Variants in MTUS1 observed in about 807,000 individuals in gnomAD.
MTUS1 encodes microtubule-associated tumor suppressor 1.
A neutral mutation model predicts 120.8 loss-of-function variants in MTUS1; 109 were observed. That is an observed-to-expected ratio of 0.90 (90% CI 0.77 to 1.06). The LOEUF (loss-of-function observed/expected upper bound fraction) is 1.06. MTUS1 is among the 50% of genes least tolerant of loss of function. The pLI is 0.00. For missense variants in MTUS1, 2,210 were observed against 1,486.3 expected (o/e 1.49, Z -8.01); for synonymous variants, 737 against 550.5 (o/e 1.34, Z -4.74).
intron 1 of MTUS1, among the ~76,000 whole-genome samples, chr8:17,797,515 C>G (rs2052342617): frequency 1.3e-5 from 2 of 152,294 alleles, no homozygotes; most frequent in African/African-American, 4.8e-5. Flanking sequence ...TATAAAGTCT[C>G]CCTGGTCAAA....
intron 4 of MTUS1, chr8:17,722,526 A>G: frequency 1.1e-5 from 11 of 985,358 alleles, no homozygotes; most frequent in Non-Finnish European, 1.3e-5. Flanking sequence ...TGCAAGTCAC[A>G]TATCCCAGTA....
chr8:17,748,659 T>C (rs2047953630), intron 2 of MTUS1, among the ~76,000 whole-genome samples: 1 of 152,290 alleles, frequency 6.6e-6, no homozygotes, highest in East Asian at 1.9e-4. Flanking sequence ...CTCCTGCCGG[T>C]GCTCAAAGTG....
At chr8:17,765,451 C>G (rs1044425356) in intron 1 of MTUS1, among the ~76,000 whole-genome samples, 2 of 151,924 alleles carry the variant, frequency 1.3e-5, no homozygotes, top group African/African-American at 2.4e-5. Context: ...AAAACTCTTT[C>G]TCTACAAAAT....
intron 6 of MTUS1, among the ~76,000 whole-genome samples, chr8:17,704,433 C>T (rs557359861): frequency 4.6e-5 from 7 of 152,074 alleles, no homozygotes; most frequent in African/African-American, 4.8e-5. Flanking sequence ...TAATCCATCT[C>T]GAGTTGATTT....
chr8:17,733,161 A>G (rs1292330026), intron 3 of MTUS1, among the ~76,000 whole-genome samples: 1 of 152,082 alleles, frequency 6.6e-6, no homozygotes, highest in Non-Finnish European at 1.5e-5. Context: ...GACCAGCCTG[A>G]ACAACATGGT....
intron 1 of MTUS1, among the ~76,000 whole-genome samples, chr8:17,789,180 G>A (rs907371014): frequency 2.6e-5 from 4 of 152,078 alleles, no homozygotes; most frequent in Admixed American, 1.3e-4. Flanking sequence ...TTACAGGAAT[G>A]AGCCACCTCA....
intron 1 of MTUS1, among the ~76,000 whole-genome samples, chr8:17,789,021 C>T (rs1212229018): frequency 6.6e-6 from 1 of 151,322 alleles, no homozygotes; most frequent in African/African-American, 2.4e-5. Context: ...ACAGACTGTG[C>T]ATGCTTTTAG....
intron 9 of MTUS1, 44 bp from the exon 10 acceptor site, chr8:17,654,710 T>A: frequency 7.2e-7 from 1 of 1,386,504 alleles, no homozygotes. Context: ...TAAAACCAAA[T>A]GTCCTAAGTT....
At chr8:17,780,707 T>C (rs1449181698) in intron 1 of MTUS1, among the ~76,000 whole-genome samples, 2 of 152,216 alleles carry the variant, frequency 1.3e-5, no homozygotes. Context: ...GGTCAAATCA[T>C]GAGCCTCTGC....
intron 8 of MTUS1, among the ~76,000 whole-genome samples, chr8:17,657,333 C>G (rs1223432309): frequency 1.3e-5 from 2 of 151,560 alleles, no homozygotes; most frequent in African/African-American, 4.8e-5. Context: ...CTTTGGGAGG[C>G]CGAGGCGGGC....
At position 17,753,846 on chromosome 8, in the gene MTUS1, G is replaced by C. The variant is rs144931436; in HGVS notation, c.1962C>G (p.Thr654=). 25 of 1,614,034 alleles carry C rather than the reference G, an allele frequency of 1.5e-5. No homozygotes were observed. The African/African-American group carries it at 1.9e-4, about 12-fold the overall frequency. ...KMESAECLEM[T]YVPNIDRISP... ...TAATCCTATCAATGTTGGGAACATA[G>C]GTCATTTCCAAACATTCTGCACTTT... Residue 654 remains threonine, a synonymous_variant, in exon 2 of 15, where the codon ACC becomes ACG. Coordinates refer to ENST00000693296, the MANE Select transcript of MTUS1 (RefSeq NM_001363059.2).
intron 6 of MTUS1, among the ~76,000 whole-genome samples, chr8:17,699,384 T>A (rs565996136): frequency 6.6e-6 from 1 of 152,176 alleles, no homozygotes; most frequent in South Asian, 2.1e-4. Flanking sequence ...CTGGCTAATT[T>A]TTGTATTTTT....
At chr8:17,774,772 C>G (rs1231467267) in intron 1 of MTUS1, among the ~76,000 whole-genome samples, 1 of 152,024 alleles carries the variant, frequency 6.6e-6, no homozygotes, top group Admixed American at 6.6e-5. Flanking sequence ...TCCAAGAAAT[C>G]TGTACATCCA....
At chr8:17,749,990 T>A (rs760121105) in intron 2 of MTUS1, among the ~76,000 whole-genome samples, 1 of 152,208 alleles carries the variant, frequency 6.6e-6, no homozygotes, top group Non-Finnish European at 1.5e-5. Context: ...AGAGACTTAG[T>A]AACCTGCCAG....
In MTUS1 at chr8:17,667,248, T is replaced by G. The variant is rs74448746; in HGVS notation, c.2905+7938A>C. Among the ~76,000 whole-genome samples, 81 of 152,324 alleles carry G rather than the reference T, an allele frequency of 5.3e-4. No individual in the cohort carries two copies. The East Asian group carries it at 0.01, about 19-fold the overall frequency. On this transcript the variant is annotated intron_variant, in intron 8 of 14. Coordinates refer to ENST00000693296, the MANE Select transcript of MTUS1 (RefSeq NM_001363059.2). The stretch of plus-strand genomic sequence containing the variant: ...TCTGAGGTGGCTATCAACTCAGTCT[T>G]CAAACAAGTCAGGGAGATAAACAGC...
intron 1 of MTUS1, among the ~76,000 whole-genome samples, chr8:17,762,209 G>T (rs1226278167): frequency 6.6e-6 from 1 of 152,072 alleles, no homozygotes. Context: ...AACTCAGGAG[G>T]CGGAGGTCGC....
Position 17,755,958 on chromosome 8 carries a change from T to C in MTUS1, c.-151A>G, listed in dbSNP as rs1451302981. 1 of 1,419,348 alleles carries C rather than the reference T, an allele frequency of 7.0e-7. No homozygotes were observed. The highest frequency in any genetic ancestry group is 9.2e-7 in the Non-Finnish European group (1 of 1,092,616). 87.9% of individuals were successfully genotyped at this position (1,419,348 alleles called of 1,614,324 possible). A position where few individuals can be genotyped will look rare whatever the true frequency, so the allele number is the denominator to read the frequency against. ...GCTCTGAAGATTAAATGATTTGTTG[T>C]TCCCTGGAAGAAATAAAATGTTTAA... is the stretch of plus-strand genomic sequence containing the variant. On this transcript the variant is annotated 5_prime_UTR_variant, in exon 2 of 15. Coordinates refer to ENST00000693296, the MANE Select transcript of MTUS1 (RefSeq NM_001363059.2).
chr8:17,695,390 C>T (rs752446015), intron 6 of MTUS1, among the ~76,000 whole-genome samples: 9 of 152,154 alleles, frequency 5.9e-5, no homozygotes, highest in Non-Finnish European at 1.0e-4. Context: ...TCTGGGCAAG[C>T]GAATTCACTT....
intron 3 of MTUS1, among the ~76,000 whole-genome samples, chr8:17,738,959 T>C (rs1312364877): frequency 6.6e-6 from 1 of 150,740 alleles, no homozygotes; most frequent in African/African-American, 2.4e-5. Flanking sequence ...GGCAACAAAG[T>C]GAGACCCCCC....
Sources: gnomAD v4.1 joint callset for allele counts (sites outside exome capture counted in the v4.1 genomes callset) on GRCh38, gnomAD v4.1.1 for gene constraint, MANE v1.5 for transcripts, NCBI Gene and HGNC (gene_info 2026-07-23, HGNC 2026-07-21) for gene names.